ERC1: variants seen among roughly 807,000 people sequenced by gnomAD.
ERC1 encodes the protein RAB6 interacting protein 2.
Under a neutral mutation model 132.0 loss-of-function variants are expected in ERC1, and 56 were observed. That is an observed-to-expected ratio of 0.42 (90% CI 0.34 to 0.53). The LOEUF is 0.53. Ranked by LOEUF, ERC1 falls within the 20% of genes least tolerant of loss-of-function variation. The pLI is 0.03. For synonymous variants in ERC1, 478 were observed against 476.1 expected, an observed-to-expected ratio of 1.00 and a Z score of -0.05; for missense variants, 1,202 against 1,349.9, an observed-to-expected ratio of 0.89 and a Z score of 1.72.
intron 2 of ERC1, among the ~76,000 whole-genome samples, chr12:1,034,550 CGTGT>C (rs1011548059): frequency 6.6e-6 from 1 of 151,874 alleles, no homozygotes; most frequent in Non-Finnish European, 1.5e-5. Context: ...TCAGATTATA[CGTGT>C]GTGTGTGTAT....
At chr12:1,084,532 A>G (rs1315987991) in intron 3 of ERC1, among the ~76,000 whole-genome samples, 2 of 152,172 alleles carry the variant, frequency 1.3e-5, no homozygotes, top group Non-Finnish European at 2.9e-5. Flanking sequence ...GAAGTAGAAC[A>G]TCATTGTTTT....
intron 18 of ERC1, among the ~76,000 whole-genome samples, chr12:1,480,397 C>T (rs1165769137): frequency 6.6e-6 from 1 of 152,098 alleles, no homozygotes; most frequent in Non-Finnish European, 1.5e-5. Context: ...TTCAGTGCTG[C>T]CCGTAATTAT....
At chr12:1,357,395 G>T (rs771558799) in intron 15 of ERC1, among the ~76,000 whole-genome samples, 6 of 152,336 alleles carry the variant, frequency 3.9e-5, no homozygotes, top group Middle Eastern at 3.4e-3. Flanking sequence ...ACTGGGAAAG[G>T]TTAAATAAAC....
intron 6 of ERC1, among the ~76,000 whole-genome samples, chr12:1,114,764 C>T (rs1311441283): frequency 6.6e-6 from 1 of 152,120 alleles, no homozygotes; most frequent in Non-Finnish European, 1.5e-5. Flanking sequence ...ATACAATAAG[C>T]ATACAGAAAT....
intron 14 of ERC1, 22 bp downstream of exon 14, chr12:1,263,187 C>T: frequency 4.3e-6 from 7 of 1,612,098 alleles, no homozygotes; most frequent in African/African-American, 1.3e-5. Flanking sequence ...TATACAGTTC[C>T]AAGCAATGCT....
intron 2 of ERC1, among the ~76,000 whole-genome samples, chr12:1,051,082 G>A (rs981110358): frequency 7.9e-5 from 12 of 152,160 alleles, no homozygotes; most frequent in Non-Finnish European, 1.5e-5. Flanking sequence ...TTCTGATACA[G>A]ATAGTTTTGT....
At chr12:1,113,649 G>T (rs762487583) in intron 6 of ERC1, among the ~76,000 whole-genome samples, 5 of 152,144 alleles carry the variant, frequency 3.3e-5, no homozygotes, top group Non-Finnish European at 1.5e-5. Context: ...TGGTGGAAAG[G>T]GTCTAATTTG....
chr12:1,215,492 A>T (rs982054561), intron 12 of ERC1, among the ~76,000 whole-genome samples: 11 of 152,064 alleles, frequency 7.2e-5, no homozygotes, highest in Non-Finnish European at 1.2e-4. Context: ...CAATTTGGGA[A>T]CTCTAGATCT....
chr12:1,281,652 G>A lies in ERC1; in HGVS notation c.2620-8200G>A, dbSNP rs573910334. On this transcript the variant is annotated intron_variant, in intron 14 of 18. Coordinates refer to ENST00000360905, the MANE Select transcript of ERC1 (RefSeq NM_178040.4). ...TTAATTGATTCCATTACAATCTGTT[G>A]CTGAAATAAGCAAATCTTGGGAGAT... Among the ~76,000 whole-genome samples the A allele has an allele frequency of 7.9e-4, 120 of 152,244 alleles. 1 individual carries two copies. Among genetic ancestry groups the A allele is most frequent in the African/African-American group, 2.8e-3 (117 of 41,550 alleles).
chr12:1,248,570 G>T (rs1159876995), intron 13 of ERC1, among the ~76,000 whole-genome samples: 2 of 152,194 alleles, frequency 1.3e-5, no homozygotes, highest in African/African-American at 4.8e-5. Flanking sequence ...ATAGGTAAGG[G>T]TCAGGTCAAA....
chr12:1,293,341 T>G (rs2079611000), intron 15 of ERC1, among the ~76,000 whole-genome samples: 1 of 148,130 alleles, frequency 6.8e-6, no homozygotes, highest in African/African-American at 2.5e-5. Flanking sequence ...TAGTCCCAGC[T>G]ACTCGGGAGG....
In ERC1 at chr12:992,472, T is replaced by G. The variant is rs1016775367; in HGVS notation, c.-157+1150T>G. 2.6e-5 allele frequency among the ~76,000 whole-genome samples: 4 copies of G among 152,262 alleles called. No individual in the cohort carries two copies. In the South Asian group the frequency reaches 6.2e-4, roughly 24 times the overall value. ...TGTTCAGTGCTAAATTGTTGAAATT[T>G]TATTTCTCATTTGCAGTTATGTTTC... On this transcript the variant is annotated intron_variant, in intron 1 of 18. Transcript: ENST00000360905.
intron 1 of ERC1, chr12:991,625 T>G (rs1959321787): frequency 1.4e-5 from 2 of 140,932 alleles, no homozygotes; most frequent in East Asian, 2.1e-4. Flanking sequence ...AGGCGGTAGA[T>G]GTGGGGATCC....
intron 17 of ERC1, among the ~76,000 whole-genome samples, chr12:1,431,446 C>T (rs892168277): frequency 2.0e-5 from 3 of 152,140 alleles, no homozygotes; most frequent in Admixed American, 2.0e-4. Context: ...TTTTCTGGAG[C>T]TGAAACTAAG....
intron 15 of ERC1, among the ~76,000 whole-genome samples, chr12:1,330,013 A>C (rs939567398): frequency 6.6e-6 from 1 of 152,246 alleles, no homozygotes; most frequent in Non-Finnish European, 1.5e-5. Flanking sequence ...CCCTAGAGCC[A>C]GCAGCAGTGG....
intron 14 of ERC1, among the ~76,000 whole-genome samples, chr12:1,281,611 T>A (rs2078682813): frequency 6.6e-6 from 1 of 152,210 alleles, no homozygotes; most frequent in Admixed American, 6.5e-5. Flanking sequence ...ACCCAGTAGA[T>A]CATTAATTTT....
At chr12:1,336,281 C>G (rs963191227) in intron 15 of ERC1, among the ~76,000 whole-genome samples, 1 of 151,176 alleles carries the variant, frequency 6.6e-6, no homozygotes, top group Non-Finnish European at 1.5e-5. Context: ...TATTTCTTGT[C>G]TTCTGCTGGC....
intron 7 of ERC1, among the ~76,000 whole-genome samples, chr12:1,118,156 G>GC: frequency 6.6e-6 from 1 of 152,288 alleles, no homozygotes; most frequent in Admixed American, 6.5e-5. Context: ...ATGCAATACA[G>GC]CAAAAGGGTC....
intron 15 of ERC1, among the ~76,000 whole-genome samples, chr12:1,318,411 T>G (rs960583838): frequency 4.6e-5 from 7 of 152,228 alleles, no homozygotes; most frequent in Admixed American, 4.6e-4. Flanking sequence ...GAACTGTTTT[T>G]GGACTAAAAT....
Sources: gnomAD v4.1 joint callset for allele counts (sites outside exome capture counted in the v4.1 genomes callset) on GRCh38, gnomAD v4.1.1 for gene constraint, MANE v1.5 for transcripts, NCBI Gene and HGNC (gene_info 2026-07-23, HGNC 2026-07-21) for gene names.